The following ATP8A2 variants were observed in gnomAD, a reference collection of about 807,000 sequenced individuals.
ATP8A2 encodes ATPase phospholipid transporting 8A2, also known as phospholipid-transporting ATPase IB.
A neutral mutation model predicts 165.6 loss-of-function variants in ATP8A2; 100 were observed. The observed-to-expected ratio is 0.60, with a 90% CI of 0.51 to 0.71. The LOEUF (loss-of-function observed/expected upper bound fraction) is 0.71, where lower values mean the gene tolerates loss of function less well. Among genes scored for constraint, ATP8A2 ranks in the 30% least tolerant of loss-of-function variants. The pLI is 0.00. For missense variants in ATP8A2, 1,227 were observed against 1,479.5 expected, an observed-to-expected ratio of 0.83 and a Z score of 2.80; for synonymous variants, 543 against 548.8, an observed-to-expected ratio of 0.99 and a Z score of 0.15.
At chr13:25,979,785 G>A (rs957493473) in intron 35 of ATP8A2, among the ~76,000 whole-genome samples, 1 of 152,194 alleles carries the variant, frequency 6.6e-6, no homozygotes, top group African/African-American at 2.4e-5. Flanking sequence ...GGAGGAAAAT[G>A]AACCAGAGGA....
intron 25 of ATP8A2, among the ~76,000 whole-genome samples, chr13:25,742,205 A>G (rs2043929715): frequency 6.6e-6 from 1 of 152,156 alleles, no homozygotes; most frequent in Non-Finnish European, 1.5e-5. Flanking sequence ...AGTGGTAAGT[A>G]TTTGTGTACT....
At chr13:25,623,448 C>A (rs1471463155) in intron 24 of ATP8A2, among the ~76,000 whole-genome samples, 3 of 151,418 alleles carry the variant, frequency 2.0e-5, no homozygotes, top group Non-Finnish European at 4.4e-5. Context: ...TTCAAAAGTT[C>A]TTCTCAGTGT....
chr13:25,750,999 G>A lies in ATP8A2; in HGVS notation c.2385-18047G>A, dbSNP rs1043600546. 1.3e-5 allele frequency among the ~76,000 whole-genome samples: 2 copies of A among 152,154 alleles called. No homozygotes were observed. The highest frequency in any genetic ancestry group is 6.5e-5 in the Admixed American group (1 of 15,276). The stretch of plus-strand genomic sequence containing the variant: ...GCTTGGGAGTCTCAATGACAAAGGC[G>A]CCCGTGGGCTCACAGCTAGTACTGC... On this transcript the variant is annotated intron_variant, in intron 25 of 36. Coordinates refer to ENST00000381655, the MANE Select transcript of ATP8A2 (RefSeq NM_016529.6). The surrounding 1 kb of genome is among the most constrained non-coding windows in gnomAD (Gnocchi z 4.3).
In ATP8A2 at chr13:25,906,342, G is replaced by A. The variant is rs1434398181; in HGVS notation, c.3183+43934G>A. On this transcript the variant is annotated intron_variant, in intron 33 of 36. Transcript: ENST00000381655. ...TCTTTTGTATTACAGCTACAAACTT[G>A]ACCTTTCTGAAAGCCTGTTTTCATT... 5.5e-5 allele frequency among the ~76,000 whole-genome samples: 8 copies of A among 145,638 alleles called. No homozygotes were observed. In the Admixed American group the frequency reaches 5.8e-4, roughly 11 times the overall value.
intron 30 of ATP8A2, among the ~76,000 whole-genome samples, chr13:25,856,116 T>G (rs1233028072): frequency 6.6e-6 from 1 of 152,246 alleles, no homozygotes. Flanking sequence ...TTTCCTAGTG[T>G]TGTCCTTTGA....
At chr13:25,890,088 G>A (rs1020064978) in intron 33 of ATP8A2, among the ~76,000 whole-genome samples, 1 of 152,106 alleles carries the variant, frequency 6.6e-6, no homozygotes, top group Non-Finnish European at 1.5e-5. Flanking sequence ...CTTGAACCTG[G>A]GAGGTGGAGG....
chr13:25,678,100 T>G (rs1304705683), intron 24 of ATP8A2, among the ~76,000 whole-genome samples: 1 of 152,130 alleles, frequency 6.6e-6, no homozygotes, highest in Non-Finnish European at 1.5e-5. Context: ...GGATAAGTAA[T>G]AGAGGTGCAG....
intron 27 of ATP8A2, among the ~76,000 whole-genome samples, chr13:25,823,789 G>C (rs999878431): frequency 1.3e-5 from 2 of 152,120 alleles, no homozygotes; most frequent in Non-Finnish European, 2.9e-5. Context: ...TCTACTGGCT[G>C]ATTAGGGTAT....
At chr13:25,530,242 A>G in intron 3 of ATP8A2, 144 bp downstream of exon 3, 1 of 627,378 alleles carries the variant, frequency 1.6e-6, no homozygotes, top group East Asian at 2.7e-5. Flanking sequence ...TAGAGTGAAC[A>G]AGCCTGACTT....
At chr13:25,391,725 T>TA (rs2137972312) in intron 1 of ATP8A2, among the ~76,000 whole-genome samples, 1 of 152,318 alleles carries the variant, frequency 6.6e-6, no homozygotes, top group Admixed American at 6.5e-5. Context: ...GAAAGAAACT[T>TA]ACATGTATGG....
Position 25,551,401 on chromosome 13 carries a change from GTGT to G in ATP8A2, c.960_962del (p.Leu320del). 1 of 1,614,152 alleles carries G rather than the reference GTGT, an allele frequency of 6.2e-7. No individual in the cohort carries two copies. The highest frequency in any genetic ancestry group is 8.5e-7 in the Non-Finnish European group (1 of 1,180,008). Reference sequence around the variant, plus strand: ...GAAGGTGACTAACGTGCAGATCCTGGTGTTGTTTGGCATCCTCTTGGTCATGGC... The same window carrying G: ...GAAGGTGACTAACGTGCAGATCCTGGTGTTTGGCATCCTCTTGGTCATGGC... On this transcript the variant is annotated inframe_deletion, in exon 11 of 37. Coordinates refer to ENST00000381655, the MANE Select transcript of ATP8A2 (RefSeq NM_016529.6).
chr13:25,432,890 C>T (rs1171145654), intron 1 of ATP8A2, among the ~76,000 whole-genome samples: 3 of 152,148 alleles, frequency 2.0e-5, no homozygotes, highest in Non-Finnish European at 4.4e-5. Context: ...CAGTTTGTGA[C>T]CCGTGCTTTC....
At chr13:25,949,885 C>T (rs1489853660) in intron 33 of ATP8A2, among the ~76,000 whole-genome samples, 3 of 152,108 alleles carry the variant, frequency 2.0e-5, no homozygotes, top group Non-Finnish European at 2.9e-5. Flanking sequence ...CTGCCGCCTC[C>T]GCCTCCCAGA....
intron 24 of ATP8A2, among the ~76,000 whole-genome samples, chr13:25,638,132 A>T (rs2041419288): frequency 6.6e-6 from 1 of 152,164 alleles, no homozygotes; most frequent in African/African-American, 2.4e-5. Context: ...AAGACCAAAG[A>T]TAGATAAAAC....
intron 1 of ATP8A2, among the ~76,000 whole-genome samples, chr13:25,459,553 A>G (rs1256128035): frequency 6.6e-6 from 1 of 152,212 alleles, no homozygotes; most frequent in African/African-American, 2.4e-5. Context: ...ATGGAGTGGT[A>G]TGTCCATGCA....
intron 24 of ATP8A2, among the ~76,000 whole-genome samples, chr13:25,640,884 C>T (rs147190881): frequency 3.3e-5 from 5 of 152,318 alleles, no homozygotes; most frequent in African/African-American, 9.6e-5. Flanking sequence ...AATTTAGCAG[C>T]ACCTGAAAAA....
intron 24 of ATP8A2, among the ~76,000 whole-genome samples, chr13:25,618,439 CGGG>C (rs113362106): frequency 0.018 from 2,670 of 152,036 alleles, 84 homozygotes; most frequent in African/African-American, 0.06. Context: ...TTGTCATTTT[CGGG>C]AAGAAGGTGT....
intron 15 of ATP8A2, among the ~76,000 whole-genome samples, chr13:25,560,792 C>G (rs1371767616): frequency 5.3e-5 from 8 of 151,210 alleles, no homozygotes; most frequent in African/African-American, 1.9e-4. Context: ...ATCTCCTACT[C>G]TTGCTCCACC....
intron 24 of ATP8A2, among the ~76,000 whole-genome samples, chr13:25,612,703 T>C (rs879296664): frequency 3.6e-4 from 55 of 152,200 alleles, no homozygotes; most frequent in Non-Finnish European, 7.2e-4. Flanking sequence ...AATTTCTGTC[T>C]TGATGATCTG....
Sources: gnomAD v4.1 joint callset for allele counts (sites outside exome capture counted in the v4.1 genomes callset) on GRCh38, gnomAD v4.1.1 for gene constraint, Gnocchi (gnomAD v3.1) non-coding constraint, MANE v1.5 for transcripts, NCBI Gene and HGNC (gene_info 2026-07-23, HGNC 2026-07-21) for gene names.